Variants in ARHGAP19 observed in about 807,000 individuals in gnomAD.
The protein encoded by ARHGAP19 is Rho GTPase activating protein 19.
A neutral mutation model predicts 60.9 loss-of-function variants in ARHGAP19; 48 were observed. The ratio of observed to expected loss-of-function variants is 0.79; its 90% confidence interval spans 0.62 to 1.00. ARHGAP19 has a LOEUF of 1.00. Among genes scored for constraint, ARHGAP19 ranks in the 50% least tolerant of loss-of-function variants. ARHGAP19 has a pLI of 0.00. For synonymous variants in ARHGAP19, 209 were observed against 215.5 expected, an observed-to-expected ratio of 0.97 and a Z score of 0.27; for missense variants, 562 against 597.2, an observed-to-expected ratio of 0.94 and a Z score of 0.61.
chr10:97,227,650 A>G (rs575717780), intron 11 of ARHGAP19, among the ~76,000 whole-genome samples: 140 of 152,328 alleles, frequency 9.2e-4, no homozygotes, highest in African/African-American at 2.9e-3. Context: ...TGCCTGATCC[A>G]ATTGAGGGTC....
intron 1 of ARHGAP19, among the ~76,000 whole-genome samples, chr10:97,271,121 T>A (rs1025545330): frequency 6.6e-6 from 1 of 152,002 alleles, no homozygotes; most frequent in African/African-American, 2.4e-5. Flanking sequence ...AAAAGCACAA[T>A]CTCCAAAGAA....
intron 6 of ARHGAP19, among the ~76,000 whole-genome samples, chr10:97,248,077 C>T (rs1431139492): frequency 5.3e-5 from 8 of 151,648 alleles, no homozygotes; most frequent in African/African-American, 1.5e-4. Flanking sequence ...GTGATTCTTC[C>T]GCCTCAGCCT....
At chr10:97,228,882 T>C (rs1385210701) in intron 11 of ARHGAP19, among the ~76,000 whole-genome samples, 1 of 152,224 alleles carries the variant, frequency 6.6e-6, no homozygotes, top group East Asian at 1.9e-4. Flanking sequence ...CTTAAGGTAT[T>C]TTCCCCCATG....
chr10:97,251,753 A>G (rs1253192685), intron 6 of ARHGAP19, among the ~76,000 whole-genome samples: 5 of 9,456 alleles, frequency 5.3e-4, no homozygotes, highest in Admixed American at 1.3e-3. Flanking sequence ...GAAGGGAAGG[A>G]GAAGGGAAGG....
At chr10:97,289,687 A>G (rs1303063978) in intron 1 of ARHGAP19, among the ~76,000 whole-genome samples, 1 of 151,838 alleles carries the variant, frequency 6.6e-6, no homozygotes, top group Non-Finnish European at 1.5e-5. Flanking sequence ...AAACAAAACA[A>G]CAACAACAAC....
intron 4 of ARHGAP19, among the ~76,000 whole-genome samples, chr10:97,261,200 G>A (rs1361176184): frequency 6.6e-6 from 1 of 152,130 alleles, no homozygotes; most frequent in East Asian, 1.9e-4. Flanking sequence ...AACCATTTGA[G>A]TACAACTCAC....
chr10:97,230,102 A>C (rs1364354904), intron 9 of ARHGAP19, among the ~76,000 whole-genome samples: 3 of 152,232 alleles, frequency 2.0e-5, no homozygotes, highest in Non-Finnish European at 4.4e-5. Context: ...TCCACATTTA[A>C]AAGGGCTGAA....
intron 1 of ARHGAP19, among the ~76,000 whole-genome samples, chr10:97,282,874 C>T (rs1843104371): frequency 7.7e-6 from 1 of 129,348 alleles, no homozygotes; most frequent in African/African-American, 2.9e-5. Context: ...CAGAGTCTCA[C>T]TCTGGTCGCC....
intron 11 of ARHGAP19, among the ~76,000 whole-genome samples, chr10:97,228,698 ATGATATGACT>A (rs1354024524): frequency 1.3e-5 from 2 of 152,206 alleles, no homozygotes; most frequent in Non-Finnish European, 2.9e-5. Flanking sequence ...AATATGCTGT[ATGATATGACT>A]TCCAGGATCC....
intron 8 of ARHGAP19, 51 bp from the exon 9 acceptor site, chr10:97,235,366 G>A (rs949196315): frequency 6.8e-6 from 10 of 1,474,086 alleles, no homozygotes; most frequent in East Asian, 2.3e-5. Context: ...ATCAAGACAC[G>A]GCATTCTGTG....
intron 6 of ARHGAP19, among the ~76,000 whole-genome samples, chr10:97,250,669 C>G (rs140356429): frequency 2.6e-5 from 4 of 151,928 alleles, no homozygotes; most frequent in African/African-American, 9.7e-5. Context: ...TGAGCCACCA[C>G]GCCCAGCCAG....
At chr10:97,252,031 G>A (rs1184356589) in intron 6 of ARHGAP19, among the ~76,000 whole-genome samples, 1 of 151,920 alleles carries the variant, frequency 6.6e-6, no homozygotes, top group Non-Finnish European at 1.5e-5. Context: ...TATATACATT[G>A]TAAATCTCTA....
chr10:97,271,631 C>T (rs897905166), intron 1 of ARHGAP19, among the ~76,000 whole-genome samples: 3 of 151,986 alleles, frequency 2.0e-5, no homozygotes, highest in Non-Finnish European at 2.9e-5. Flanking sequence ...CTACTCATCA[C>T]TTAGCAAAAT....
At chr10:97,260,871 A>T (rs1791340574) in intron 4 of ARHGAP19, among the ~76,000 whole-genome samples, 1 of 150,648 alleles carries the variant, frequency 6.6e-6, no homozygotes, top group Admixed American at 6.6e-5. Context: ...AGGTGGGCAG[A>T]TCACTTGAGC....
chr10:97,244,797 A>G (rs1248379276), intron 7 of ARHGAP19, among the ~76,000 whole-genome samples: 1 of 152,176 alleles, frequency 6.6e-6, no homozygotes, highest in East Asian at 1.9e-4. Context: ...GCACAAGCGG[A>G]CAGCTTAAGT....
At chr10:97,271,615 C>A (rs1842960209) in intron 1 of ARHGAP19, among the ~76,000 whole-genome samples, 1 of 151,928 alleles carries the variant, frequency 6.6e-6, no homozygotes, top group South Asian at 2.1e-4. Flanking sequence ...AAAATAGTAT[C>A]TTTCCCTACT....
At chr10:97,243,854 T>G in intron 8 of ARHGAP19, 114 bp downstream of exon 8, 1 of 1,037,746 alleles carries the variant, frequency 9.6e-7, no homozygotes, top group Non-Finnish European at 1.4e-6. Flanking sequence ...TAGACAAGCC[T>G]GATTTCTCAG....
Position 97,244,885 on chromosome 10 carries a change from C to CT in ARHGAP19, c.994-727dup, listed in dbSNP as rs529762498. Reference sequence around the variant, plus strand: ...TGCTTGTAAAATTTTTAACTTCTCACTTTTTTTTTTTTTTTTTCAGAGCAG... The same window carrying CT: ...TGCTTGTAAAATTTTTAACTTCTCACTTTTTTTTTTTTTTTTTTCAGAGCAG... On this transcript the variant is annotated intron_variant, in intron 7 of 11. Coordinates refer to ENST00000358531, the MANE Select transcript of ARHGAP19 (RefSeq NM_032900.6). 7.4e-3 allele frequency among the ~76,000 whole-genome samples: 980 copies of CT among 131,728 alleles called. 6 individuals carry two copies. Among genetic ancestry groups the CT allele is most frequent in the South Asian group, 0.026 (107 of 4,060 alleles). 86.4% of individuals were successfully genotyped at this position (131,728 alleles called of 152,430 possible).
intron 1 of ARHGAP19, among the ~76,000 whole-genome samples, chr10:97,274,069 G>A (rs1304793090): frequency 1.3e-5 from 2 of 152,066 alleles, no homozygotes; most frequent in Non-Finnish European, 2.9e-5. Context: ...AGAGATACTT[G>A]CTTAAATGGT....
Sources: gnomAD v4.1 joint callset for allele counts (sites outside exome capture counted in the v4.1 genomes callset) on GRCh38, gnomAD v4.1.1 for gene constraint, MANE v1.5 for transcripts, NCBI Gene and HGNC (gene_info 2026-07-23, HGNC 2026-07-21) for gene names.